Variants in EPAS1 observed in about 807,000 individuals in gnomAD.
EPAS1 encodes the protein endothelial PAS domain-containing protein 1.
In EPAS1, 23 loss-of-function variants were observed where a neutral mutation model predicts 87.9. The observed-to-expected ratio is 0.26, with a 90% CI of 0.19 to 0.37. The LOEUF (loss-of-function observed/expected upper bound fraction) is 0.37. Among genes scored for constraint, EPAS1 ranks in the 10% least tolerant of loss-of-function variants. The pLI is 1.00. For missense variants in EPAS1, 1,138 were observed against 1,120.7 expected (o/e 1.02, Z -0.22); for synonymous variants, 508 against 444.3 (o/e 1.14, Z -1.80).
intron 7 of EPAS1, among the ~76,000 whole-genome samples, chr2:46,373,412 A>G (rs1292435442): frequency 6.6e-6 from 1 of 152,226 alleles, no homozygotes; most frequent in Non-Finnish European, 1.5e-5. Flanking sequence ...TAAACAAATT[A>G]TGGTATGTCC....
At chr2:46,334,420 A>C (rs1314749061) in intron 1 of EPAS1, among the ~76,000 whole-genome samples, 1 of 151,986 alleles carries the variant, frequency 6.6e-6, no homozygotes, top group Non-Finnish European at 1.5e-5. Flanking sequence ...GACCACTGGC[A>C]CCTCTGCCCA....
In EPAS1 at chr2:46,308,463, G is replaced by C. The variant is rs146424642; in HGVS notation, c.26+10526G>C. Among the ~76,000 whole-genome samples, 861 of 142,530 alleles carry C rather than the reference G, an allele frequency of 6.0e-3. 15 individuals carry two copies. The highest frequency in any genetic ancestry group is 0.02 in the African/African-American group (792 of 39,286). The allele number at this position is 142,530 out of a possible 152,430, so 93.5% of individuals were successfully genotyped here. The stretch of plus-strand genomic sequence containing the variant: ...TAATACCTTGCTTGCTTTTTTTTGG[G>C]GGGGGGGGCTCTGAAATCATGCTTA... On this transcript the variant is annotated intron_variant, in intron 1 of 15. Coordinates refer to ENST00000263734, the MANE Select transcript of EPAS1 (RefSeq NM_001430.5).
At chr2:46,344,824 C>T (rs1438764517) in intron 1 of EPAS1, among the ~76,000 whole-genome samples, 3 of 152,232 alleles carry the variant, frequency 2.0e-5, no homozygotes, top group African/African-American at 7.2e-5. Flanking sequence ...TGACCATCAA[C>T]AGCTGTTGGA....
At chr2:46,370,810 GA>G (rs1309259997) in intron 7 of EPAS1, among the ~76,000 whole-genome samples, 1 of 152,198 alleles carries the variant, frequency 6.6e-6, no homozygotes, top group Non-Finnish European at 1.5e-5. Flanking sequence ...ATAGGCAGGT[GA>G]TCCAGGACCG....
rs893970318 is a variant in EPAS1 at position 46,356,298 on chromosome 2, C to A, written c.365C>A (p.Thr122Lys). The change falls in exon 3 of 16, where the codon ACA becomes AAA. Residue 122 changes from threonine (T) to lysine (K), a missense_variant. Around this residue, in one of 4 missense-constraint regions of EPAS1, gnomAD observed 351 missense variants for 417.1 expected, o/e 0.84. Transcript: ENST00000263734. ...AACATCAGCAAGTTCATGGGACTTACACAGGTGACACCCTCCTCTATCTCT... is the reference window on the plus strand; with the variant it reads ...AACATCAGCAAGTTCATGGGACTTAAACAGGTGACACCCTCCTCTATCTCT... ...SENISKFMGLTQVELTGHSIF... is the reference protein window; with the variant it reads ...SENISKFMGLKQVELTGHSIF... 3.1e-6 allele frequency: 5 copies of A among 1,614,082 alleles called. No homozygotes were observed. Among genetic ancestry groups the A allele is most frequent in the Middle Eastern group, 1.6e-4 (1 of 6,084 alleles).
At chr2:46,374,544 A>G (rs1684696805) in intron 7 of EPAS1, among the ~76,000 whole-genome samples, 1 of 152,168 alleles carries the variant, frequency 6.6e-6, no homozygotes, top group South Asian at 2.1e-4. Flanking sequence ...TACTATTATT[A>G]TCAATATCCT....
In EPAS1 at chr2:46,375,786, A is replaced by G. The variant is rs756916057; in HGVS notation, c.983A>G (p.Asn328Ser). The change falls in exon 8 of 16, where the codon AAC becomes AGC. Residue 328 changes from asparagine to serine, a missense_variant. By Grantham distance (46) the Asn-to-Ser change is conservative. Around this residue, in one of 4 missense-constraint regions of EPAS1, gnomAD observed 284 missense variants for 258.4 expected, o/e 1.10. Coordinates refer to ENST00000263734, the MANE Select transcript of EPAS1 (RefSeq NM_001430.5). The surrounding 1 kb of genome is among the most constrained non-coding windows in gnomAD (Gnocchi z 4.1). ...WLETQGTVIY[N>S]PRNLQPQCIM... ...GAGACCCAGGGGACGGTCATCTACA[A>G]CCCTCGCAACCTGCAGCCCCAGTGC... 13 of 1,614,132 alleles carry G rather than the reference A, an allele frequency of 8.1e-6. No individual in the cohort carries two copies. In the South Asian group the frequency reaches 1.1e-4, roughly 14 times the overall value.
intron 1 of EPAS1, among the ~76,000 whole-genome samples, chr2:46,340,959 A>G (rs956164067): frequency 1.8e-4 from 28 of 152,228 alleles, no homozygotes; most frequent in African/African-American, 6.0e-4. Context: ...GGCTCAAGCA[A>G]TCCTCCTGCC....
In EPAS1 at chr2:46,326,830, A is replaced by G. The variant is rs1055790928; in HGVS notation, c.27-20043A>G. On this transcript the variant is annotated intron_variant, in intron 1 of 15. Coordinates refer to ENST00000263734, the MANE Select transcript of EPAS1 (RefSeq NM_001430.5). The stretch of plus-strand genomic sequence containing the variant: ...ATACCCTGATATGGAAATAGGGAAA[A>G]TGGTTCTAGGGGTTTTGGAGAGGAG... Among the ~76,000 whole-genome samples, 13 of 152,232 alleles carry G rather than the reference A, an allele frequency of 8.5e-5. No homozygotes were observed. The East Asian group carries it at 2.5e-3, about 29-fold the overall frequency.
Position 46,375,190 on chromosome 2 carries a change from C to A in EPAS1, c.887-500C>A, listed in dbSNP as rs56359404. On this transcript the variant is annotated intron_variant, in intron 7 of 15. Coordinates refer to ENST00000263734, the MANE Select transcript of EPAS1 (RefSeq NM_001430.5). This position sits in a 1 kb window ranked among gnomAD's most constrained non-coding sequence, Gnocchi z 4.1. ...TGGTGGGTCTGCTGAAAAAAAAAAA[C>A]AAAAAAAAACAAAAAAAACTGCCCT... Among the ~76,000 whole-genome samples the A allele has an allele frequency of 0.42, 55,514 of 133,412 alleles. 12,062 individuals are homozygous for A. Among genetic ancestry groups the A allele is most frequent in the Non-Finnish European group, 0.5 (30,953 of 61,684 alleles). The allele number at this position is 133,412 out of a possible 152,430, so 87.5% of individuals were successfully genotyped here.
At chr2:46,320,385 G>T (rs1374617806) in intron 1 of EPAS1, among the ~76,000 whole-genome samples, 1 of 152,174 alleles carries the variant, frequency 6.6e-6, no homozygotes, top group Non-Finnish European at 1.5e-5. Context: ...TGTTGAAATG[G>T]CTACTTCTGT....
At chr2:46,311,360 C>T (rs1043547034) in intron 1 of EPAS1, among the ~76,000 whole-genome samples, 3 of 152,158 alleles carry the variant, frequency 2.0e-5, no homozygotes, top group African/African-American at 4.8e-5. Flanking sequence ...GAAGGGCCCT[C>T]TACAGTTAGG....
intron 1 of EPAS1, among the ~76,000 whole-genome samples, chr2:46,312,946 C>T (rs1000997722): frequency 1.3e-5 from 2 of 152,166 alleles, no homozygotes; most frequent in African/African-American, 4.8e-5. Context: ...ACACCCAAAT[C>T]TCTAAACCTA....
At chr2:46,359,387 A>G (rs1174027652) in intron 4 of EPAS1, among the ~76,000 whole-genome samples, 1 of 151,904 alleles carries the variant, frequency 6.6e-6, no homozygotes, top group Non-Finnish European at 1.5e-5. Context: ...CTTATACCCA[A>G]CAACTGGTCT....
chr2:46,337,915 G>T (rs1683828614), intron 1 of EPAS1, among the ~76,000 whole-genome samples: 1 of 152,130 alleles, frequency 6.6e-6, no homozygotes, highest in Admixed American at 6.5e-5. Flanking sequence ...TCCCAAGGGG[G>T]CTGGTGTGCC....
chr2:46,342,678 A>G (rs1195425847), intron 1 of EPAS1, among the ~76,000 whole-genome samples: 1 of 152,210 alleles, frequency 6.6e-6, no homozygotes, highest in Non-Finnish European at 1.5e-5. Flanking sequence ...AACCAAGATC[A>G]TCTTGACCAA....
At chr2:46,310,885 C>CTT (rs66974414) in intron 1 of EPAS1, among the ~76,000 whole-genome samples, 1 of 151,506 alleles carries the variant, frequency 6.6e-6, no homozygotes. Flanking sequence ...CGTGTTTGGC[C>CTT]TTTTTTTTTG....
chr2:46,366,136 C>T (rs1333846235), intron 6 of EPAS1, among the ~76,000 whole-genome samples: 2 of 152,228 alleles, frequency 1.3e-5, no homozygotes, highest in African/African-American at 4.8e-5. Context: ...CTGCACCGCA[C>T]GTGGACGGGT....
In EPAS1 at chr2:46,384,819, T is replaced by C. The variant is rs1684977279; in HGVS notation, c.*159T>C. ...CCAGGTCACCAAGCAGTGGCCTTTTTCTGAGATGCTCACTTTATTATCCCT... is the reference window on the plus strand; with the variant it reads ...CCAGGTCACCAAGCAGTGGCCTTTTCCTGAGATGCTCACTTTATTATCCCT... On this transcript the variant is annotated 3_prime_UTR_variant, in exon 16 of 16. Coordinates refer to ENST00000263734, the MANE Select transcript of EPAS1 (RefSeq NM_001430.5). The C allele has an allele frequency of 2.5e-6, 2 of 789,012 alleles. No homozygotes were observed. Among genetic ancestry groups the C allele is most frequent in the Admixed American group, 2.3e-5 (1 of 43,838 alleles). 48.9% of individuals were successfully genotyped at this position (789,012 alleles called of 1,614,324 possible).
Sources: allele counts gnomAD v4.1 joint callset (sites outside exome capture counted in the v4.1 genomes callset), GRCh38; gene constraint gnomAD v4.1.1; regional missense constraint gnomAD v4.1.1; non-coding constraint Gnocchi (gnomAD v3.1); transcripts MANE v1.5; gene names NCBI Gene and HGNC (gene_info 2026-07-23, HGNC 2026-07-21).